HACD2: variants seen among roughly 807,000 people sequenced by gnomAD.
HACD2 encodes very-long-chain (3R)-3-hydroxyacyl-CoA dehydratase 2.
Under a neutral mutation model 31.0 loss-of-function variants are expected in HACD2, and 15 were observed. That is an observed-to-expected ratio of 0.48 (90% CI 0.32 to 0.75). The LOEUF is 0.75. Ranked by LOEUF, HACD2 falls within the 30% of genes least tolerant of loss-of-function variation. HACD2 has a pLI of 0.03. For synonymous variants in HACD2, 115 were observed against 122.2 expected (o/e 0.94, Z 0.39); for missense variants, 283 against 313.0 (o/e 0.90, Z 0.72).
intron 4 of HACD2, among the ~76,000 whole-genome samples, chr3:123,523,084 G>A (rs558886819): frequency 6.6e-6 from 1 of 152,158 alleles, no homozygotes; most frequent in Non-Finnish European, 1.5e-5. Context: ...GCGGCCACAG[G>A]AGACACGCCA....
rs1391824429 is a variant in HACD2 at position 123,494,612 on chromosome 3, A to G, written c.*276T>C. On this transcript the variant is annotated 3_prime_UTR_variant, in exon 7 of 7. Coordinates refer to ENST00000383657, the MANE Select transcript of HACD2 (RefSeq NM_198402.5). ...ACATGAAGGACACAGAAGGACATAAAATGCCAAATCCCTTTCTAGTGCCAT... is the reference window on the plus strand; with the variant it reads ...ACATGAAGGACACAGAAGGACATAAGATGCCAAATCCCTTTCTAGTGCCAT... The G allele has an allele frequency of 6.6e-6, 3 of 453,114 alleles. No individual in the cohort carries two copies. The highest frequency in any genetic ancestry group is 4.6e-5 in the East Asian group (1 of 21,730). The allele number at this position is 453,114 out of a possible 1,614,324, so 28.1% of individuals were successfully genotyped here.
chr3:123,497,350 T>A (rs992862171), intron 6 of HACD2, among the ~76,000 whole-genome samples: 7 of 152,314 alleles, frequency 4.6e-5, no homozygotes, highest in South Asian at 2.1e-4. Context: ...TGTGTGACAG[T>A]CCCTGTGTGT....
intron 4 of HACD2, among the ~76,000 whole-genome samples, chr3:123,520,281 G>T (rs1373605854): frequency 6.6e-6 from 1 of 152,058 alleles, no homozygotes; most frequent in Non-Finnish European, 1.5e-5. Flanking sequence ...ATTTTCTTTT[G>T]TTCCTTTAAA....
intron 3 of HACD2, among the ~76,000 whole-genome samples, chr3:123,563,642 T>TACACACACAC (rs765094189): frequency 9.5e-6 from 1 of 105,180 alleles, no homozygotes; most frequent in Non-Finnish European, 1.9e-5. Flanking sequence ...AAAAAATATA[T>TACACACACAC]ATACACACAC....
At chr3:123,557,971 T>G (rs1309567579) in intron 3 of HACD2, among the ~76,000 whole-genome samples, 1 of 152,254 alleles carries the variant, frequency 6.6e-6, no homozygotes, top group Non-Finnish European at 1.5e-5. Context: ...CACAAAAACC[T>G]GCACACAAAT....
At chr3:123,583,533 TG>T (rs1666174658) in intron 1 of HACD2, among the ~76,000 whole-genome samples, 1 of 152,200 alleles carries the variant, frequency 6.6e-6, no homozygotes, top group South Asian at 2.1e-4. Flanking sequence ...TTTCTAGATC[TG>T]GAACTTCTAC....
intron 2 of HACD2, among the ~76,000 whole-genome samples, chr3:123,569,728 G>A (rs974860173): frequency 1.5e-4 from 22 of 151,212 alleles, no homozygotes; most frequent in African/African-American, 4.4e-4. Flanking sequence ...TGGCTCACGC[G>A]TATAATCCCA....
chr3:123,554,830 T>A (rs558266511), intron 3 of HACD2, among the ~76,000 whole-genome samples: 10 of 136,630 alleles, frequency 7.3e-5, no homozygotes, highest in African/African-American at 3.7e-4. Context: ...AAAGTAAGAT[T>A]TAAGACAAAA....
intron 5 of HACD2, among the ~76,000 whole-genome samples, chr3:123,500,922 C>T (rs1400835329): frequency 1.3e-5 from 2 of 152,148 alleles, no homozygotes; most frequent in South Asian, 4.1e-4. Context: ...GTTCAGGCAG[C>T]CTCAAAATTT....
intron 4 of HACD2, among the ~76,000 whole-genome samples, chr3:123,511,368 T>TAC (rs1478474980): frequency 6.6e-6 from 1 of 152,006 alleles, no homozygotes; most frequent in African/African-American, 2.4e-5. Context: ...CACACACACA[T>TAC]ACACACACAC....
At chr3:123,530,101 T>A (rs1159792814) in intron 3 of HACD2, among the ~76,000 whole-genome samples, 1 of 152,198 alleles carries the variant, frequency 6.6e-6, no homozygotes, top group Non-Finnish European at 1.5e-5. Context: ...AGTTTCATTT[T>A]GCTGGGAGAG....
chr3:123,559,507 C>A (rs1238833585), intron 3 of HACD2, among the ~76,000 whole-genome samples: 1 of 152,172 alleles, frequency 6.6e-6, no homozygotes, highest in East Asian at 1.9e-4. Context: ...AATTTCAGAA[C>A]GAGTGGCTGT....
intron 3 of HACD2, among the ~76,000 whole-genome samples, chr3:123,551,190 C>T (rs368433356): frequency 2.6e-5 from 4 of 152,238 alleles, no homozygotes; most frequent in South Asian, 4.2e-4. Flanking sequence ...ACCCTTTCGG[C>T]GAAACATTTG....
At chr3:123,533,735 G>T (rs142763027) in intron 3 of HACD2, among the ~76,000 whole-genome samples, 2 of 152,268 alleles carry the variant, frequency 1.3e-5, no homozygotes, top group East Asian at 3.9e-4. Context: ...CCACACTGGG[G>T]ATGCAAAGGG....
At chr3:123,527,855 T>G (rs1263922233) in intron 4 of HACD2, among the ~76,000 whole-genome samples, 2 of 152,172 alleles carry the variant, frequency 1.3e-5, no homozygotes, top group Non-Finnish European at 2.9e-5. Context: ...AACAGAAACG[T>G]GTTTCGGTCA....
At chr3:123,504,039 T>C (rs992240793) in intron 4 of HACD2, among the ~76,000 whole-genome samples, 1 of 152,226 alleles carries the variant, frequency 6.6e-6, no homozygotes, top group Non-Finnish European at 1.5e-5. Context: ...ATAAGAATTT[T>C]ATACTGTCAA....
At chr3:123,522,878 A>G (rs143756651) in intron 4 of HACD2, among the ~76,000 whole-genome samples, 67 of 152,310 alleles carry the variant, frequency 4.4e-4, no homozygotes, top group African/African-American at 1.4e-3. Flanking sequence ...CTGGGGCTAG[A>G]TGACAGGACG....
intron 6 of HACD2, chr3:123,499,697 A>G: frequency 2.2e-6 from 1 of 454,796 alleles, no homozygotes; most frequent in East Asian, 6.9e-5. Flanking sequence ...ATTCAGAGTT[A>G]CAGTGGTTAT....
chr3:123,556,855 A>G (rs2107736687), intron 3 of HACD2, among the ~76,000 whole-genome samples: 1 of 152,374 alleles, frequency 6.6e-6, no homozygotes, highest in African/African-American at 2.4e-5. Context: ...GATGTGCCAT[A>G]GCATTTGTCA....
Sources: allele counts gnomAD v4.1 joint callset (sites outside exome capture counted in the v4.1 genomes callset), GRCh38; gene constraint gnomAD v4.1.1; transcripts MANE v1.5; gene names NCBI Gene and HGNC (gene_info 2026-07-23, HGNC 2026-07-21).